The following C2orf68 variants were observed in gnomAD, a reference collection of about 807,000 sequenced individuals.
The protein encoded by C2orf68 is UPF0561 protein C2orf68.
In C2orf68, 15 loss-of-function variants were observed where a neutral mutation model predicts 19.1. The ratio of observed to expected loss-of-function variants is 0.79; its 90% CI spans 0.53 to 1.21. The LOEUF is 1.21. Among genes scored for constraint, C2orf68 ranks in the 50% most tolerant of loss-of-function variants. C2orf68 has a pLI of 0.00. For synonymous variants in C2orf68, 98 were observed against 91.0 expected (o/e 1.08, Z -0.44); for missense variants, 242 against 226.6 (o/e 1.07, Z -0.44).
At chr2:85,609,683 C>G in intron 2 of C2orf68, 97 bp from the exon 3 acceptor site, 1 of 1,474,594 alleles carries the variant, frequency 6.8e-7, no homozygotes, top group East Asian at 2.3e-5. Context: ...TAGGAAAGCC[C>G]CAGTCTTCTT....
In C2orf68 at chr2:85,611,160, A is replaced by T. The variant is rs1452682324; in HGVS notation, c.226+508T>A. ...GAGGCTAAGGCTGCAGTAAGCCCAG[A>T]TCGCACCATTGCACTCCAGCCTGGG... is the stretch of plus-strand genomic sequence containing the variant. On this transcript the variant is annotated intron_variant, in intron 2 of 3. Coordinates refer to ENST00000306336, the MANE Select transcript of C2orf68 (RefSeq NM_001013649.4). The T allele has an allele frequency of 5.0e-6, 4 of 795,630 alleles. No individual in the cohort carries two copies. The Admixed American group carries it at 1.5e-4, about 29-fold the overall frequency. 49.3% of individuals were successfully genotyped at this position (795,630 alleles called of 1,614,324 possible).
At chr2:85,611,843 A>AGTG (rs565365810) in intron 1 of C2orf68, 35 bp downstream of exon 1, 3 of 1,601,516 alleles carry the variant, frequency 1.9e-6, no homozygotes, top group East Asian at 2.2e-5. Context: ...CCAGGCCAGG[A>AGTG]GTGGTGGCGG....
At position 85,612,062 on chromosome 2, in the gene C2orf68, C is replaced by T; in HGVS notation, c.-78G>A. 2.6e-6 allele frequency: 3 copies of T among 1,164,340 alleles called. No homozygotes were observed. Among genetic ancestry groups the T allele is most frequent in the Non-Finnish European group, 2.3e-6 (2 of 856,038 alleles). 72.1% of individuals were successfully genotyped at this position (1,164,340 alleles called of 1,614,324 possible). On this transcript the variant is annotated 5_prime_UTR_variant, in exon 1 of 4. Coordinates refer to ENST00000306336, the MANE Select transcript of C2orf68 (RefSeq NM_001013649.4). ...ACCCGCCCACAGAGCTCCGCGCCGC[C>T]CCTTGCTCAGCTTCCGGCCCCGCAT...
rs1052980646 is a variant in C2orf68, at chr2:85,605,461, CAGA to C, written c.*3481_*3483del. 2.0e-5 allele frequency among the ~76,000 whole-genome samples: 3 copies of C among 152,204 alleles called. No homozygotes were observed. The highest frequency in any genetic ancestry group is 1.9e-4 in the East Asian group (1 of 5,208). ...TGAGAAGGCAGAGAAGCCCTTTACTCAGAAGGTCTTCAATTCTAGCATTACTCC... is the reference window on the plus strand; with the variant it reads ...TGAGAAGGCAGAGAAGCCCTTTACTCAGGTCTTCAATTCTAGCATTACTCC... On this transcript the variant is annotated 3_prime_UTR_variant, in exon 4 of 4. Transcript: ENST00000306336.
intron 3 of C2orf68, among the ~76,000 whole-genome samples, 178 bp downstream of exon 3, chr2:85,609,257 A>G (rs977407469): frequency 2.0e-5 from 3 of 152,190 alleles, no homozygotes; most frequent in African/African-American, 7.2e-5. Context: ...TCCCCTACTG[A>G]GAATCACTGT....
In C2orf68 at chr2:85,611,765, C is replaced by T. The variant is rs777942349; in HGVS notation, c.129G>A (p.Val43=). ...QIARDDYDKK[V]KQAAKEKVRR... is the part of the protein sequence containing the mutation. ...TCACCTTCTCCTTGGCCGCCTGCTT[C>T]ACCTTCTTGTCATAGTCGTCCCTGC... The change falls in exon 2 of 4, where the codon GTG becomes GTA. Residue 43 remains valine, a synonymous_variant. Transcript: ENST00000306336. 15 of 1,612,360 alleles carry T rather than the reference C, an allele frequency of 9.3e-6. No individual in the cohort carries two copies. Among genetic ancestry groups the T allele is most frequent in the Middle Eastern group, 3.3e-4 (2 of 6,056 alleles).
intron 3 of C2orf68, 103 bp downstream of exon 3, chr2:85,609,332 C>T (rs574973523): frequency 7.4e-6 from 11 of 1,482,540 alleles, no homozygotes; most frequent in Admixed American, 4.0e-5. Flanking sequence ...GTGGAGCAGA[C>T]GCTTCCCATT....
At position 85,609,003 on chromosome 2, in the gene C2orf68, C is replaced by T. The variant is rs184488528; in HGVS notation, c.443G>A (p.Arg148Gln). Reference sequence around the variant, plus strand: ...CTGGATACGCAACTTGAGGGCTTCTCGCATGGGTGGATCCAGAGGCGTGTG... The same window carrying T: ...CTGGATACGCAACTTGAGGGCTTCTTGCATGGGTGGATCCAGAGGCGTGTG... ...SAHTPLDPPM[R>Q]EALKLRIQEE... Residue 148 changes from arginine (R) to glutamine (Q), a missense_variant, in exon 4 of 4, where the codon CGA (arginine) becomes CAA (glutamine). Physicochemically the swap from Arg to Gln is conservative, Grantham distance 43. Transcript: ENST00000306336. The T allele has an allele frequency of 3.8e-3, 6,115 of 1,614,230 alleles. 15 individuals are homozygous for T. Among genetic ancestry groups the T allele is most frequent in the Non-Finnish European group, 4.5e-3 (5,324 of 1,180,052 alleles).
chr2:85,612,012 C>T lies in C2orf68; in HGVS notation c.-28G>A, dbSNP rs576104461. 1.0e-5 allele frequency: 15 copies of T among 1,454,558 alleles called. No homozygotes were observed. Among genetic ancestry groups the T allele is most frequent in the South Asian group, 4.0e-5 (3 of 75,700 alleles). 90.1% of individuals were successfully genotyped at this position (1,454,558 alleles called of 1,614,324 possible). On this transcript the variant is annotated 5_prime_UTR_variant, in exon 1 of 4. Coordinates refer to ENST00000306336, the MANE Select transcript of C2orf68 (RefSeq NM_001013649.4). ...GGAGCCGGGGACGCAGAGTCGCCGC[C>T]GCCTCGACGGCCCCAACAACAGCCA...
intron 1 of C2orf68, 38 bp from the exon 2 acceptor site, chr2:85,611,824 C>T (rs748090010): frequency 1.2e-6 from 2 of 1,606,982 alleles, no homozygotes; most frequent in Non-Finnish European, 8.5e-7. Flanking sequence ...ACTGTCGGGC[C>T]GGGCCAGGCC....
chr2:85,611,894 G>A lies in C2orf68; in HGVS notation c.91C>T (p.Arg31Trp). The A allele has an allele frequency of 2.5e-6, 4 of 1,595,480 alleles. No individual in the cohort carries two copies. Among genetic ancestry groups the A allele is most frequent in the Non-Finnish European group, 3.4e-6 (4 of 1,176,552 alleles). The change falls in exon 1 of 4, where the codon CGG (arginine) becomes TGG (tryptophan). Residue 31 changes from arginine to tryptophan, a missense_variant. Transcript: ENST00000306336. ...MNHGFVHHIR[R>W]NQIARDDYDK... ...GGGCGGTACCGAGCGATCTGGTTCC[G>A]TCGGATATGGTGCACGAAGCCGTGG...
rs1673234116 is a variant in C2orf68 at position 85,606,925 on chromosome 2, A to G, written c.*2020T>C. ...GCCTCCCGAGTAGCTGGGATGGACT[A>G]CAGGCACATGTCACCATGCCCAGCT... On this transcript the variant is annotated 3_prime_UTR_variant, in exon 4 of 4. Coordinates refer to ENST00000306336, the MANE Select transcript of C2orf68 (RefSeq NM_001013649.4). 1 of 151,970 alleles carries G rather than the reference A, an allele frequency of 6.6e-6. No homozygotes were observed. Among genetic ancestry groups the G allele is most frequent in the Non-Finnish European group, 1.5e-5 (1 of 68,042 alleles). The allele number at this position is 151,970 out of a possible 1,614,324, so 9.4% of individuals were successfully genotyped here.
intron 3 of C2orf68, 116 bp downstream of exon 3, chr2:85,609,319 C>A: frequency 3.5e-6 from 5 of 1,433,884 alleles, no homozygotes; most frequent in Non-Finnish European, 4.7e-6. Flanking sequence ...CCTAGACTCA[C>A]ATGTGGAGCA....
intron 3 of C2orf68, 93 bp from the exon 4 acceptor site, chr2:85,609,160 A>G (rs1673342436): frequency 6.6e-7 from 1 of 1,520,876 alleles, no homozygotes; most frequent in Non-Finnish European, 8.9e-7. Context: ...AACTCCATTT[A>G]GCTCAAGGCT....
At position 85,606,804 on chromosome 2, in the gene C2orf68, T is replaced by TG. The variant is rs1673230437; in HGVS notation, c.*2140dup. On this transcript the variant is annotated 3_prime_UTR_variant, in exon 4 of 4. Transcript: ENST00000306336. ...CTTCCTTTTTTTTTTTTTTTTGAGA[T>TG]GGAGTCTCGCTCTGCTGCCCAGCCT... 6.6e-6 allele frequency: 1 copy of TG among 150,664 alleles called. No homozygotes were observed. Among genetic ancestry groups the TG allele is most frequent in the Non-Finnish European group, 1.5e-5 (1 of 67,646 alleles). 9.3% of individuals were successfully genotyped at this position (150,664 alleles called of 1,614,324 possible). A position where few individuals can be genotyped will look rare whatever the true frequency, so the allele number is the denominator to read the frequency against.
Position 85,611,907 on chromosome 2 carries a change from C to T in C2orf68, c.78G>A (p.Val26=), listed in dbSNP as rs1673568620. ...CGATCTGGTTCCGTCGGATATGGTG[C>T]ACGAAGCCGTGGTTCATGTCCAGCC... ...GGRLDMNHGF[V]HHIRRNQIAR... The change falls in exon 1 of 4, where the codon GTG becomes GTA. Residue 26 remains valine, a synonymous_variant. Transcript: ENST00000306336. 1 of 1,593,194 alleles carries T rather than the reference C, an allele frequency of 6.3e-7. No homozygotes were observed. Among genetic ancestry groups the T allele is most frequent in the Admixed American group, 1.7e-5 (1 of 59,058 alleles).
chr2:85,610,910 C>CA (rs1437686618), intron 2 of C2orf68: 1 of 148,240 alleles, frequency 6.7e-6, no homozygotes, highest in African/African-American at 2.5e-5. Context: ...AGGCGCCCAC[C>CA]ACCACGCCCG....
At chr2:85,611,820 G>A (rs200797297) in intron 1 of C2orf68, 34 bp from the exon 2 acceptor site, 1 of 1,607,874 alleles carries the variant, frequency 6.2e-7, no homozygotes, top group Non-Finnish European at 8.5e-7. Flanking sequence ...AGGGACTGTC[G>A]GGCCGGGCCA....
At chr2:85,611,480 C>T (rs376007993) in intron 2 of C2orf68, 188 bp downstream of exon 2, 9 of 1,549,586 alleles carry the variant, frequency 5.8e-6, no homozygotes, top group Non-Finnish European at 7.9e-6. Context: ...TAACTGGGGG[C>T]TTATGAGTCG....
Sources: gnomAD v4.1 joint callset for allele counts (sites outside exome capture counted in the v4.1 genomes callset) on GRCh38, gnomAD v4.1.1 for gene constraint, MANE v1.5 for transcripts, NCBI Gene and HGNC (gene_info 2026-07-23, HGNC 2026-07-21) for gene names.